The following YTHDC2 variants were observed in gnomAD, a reference collection of about 807,000 sequenced individuals.
YTHDC2 encodes the protein YTH N6-methyladenosine RNA binding protein C2.
A neutral mutation model predicts 174.9 loss-of-function variants in YTHDC2; 45 were observed. That is an observed-to-expected ratio of 0.26 (90% CI 0.20 to 0.33). The LOEUF is 0.33. YTHDC2 is among the 10% of genes least tolerant of loss of function. YTHDC2 has a pLI of 1.00. For synonymous variants in YTHDC2, 657 were observed against 574.5 expected, an observed-to-expected ratio of 1.14 and a Z score of -2.05; for missense variants, 1,650 against 1,723.7, an observed-to-expected ratio of 0.96 and a Z score of 0.76.
At chr5:113,558,817 G>T (rs1264963028) in intron 17 of YTHDC2, among the ~76,000 whole-genome samples, 1 of 151,654 alleles carries the variant, frequency 6.6e-6, no homozygotes, top group African/African-American at 2.4e-5. Flanking sequence ...AGCTACTCAG[G>T]AGGCTGAAGC....
chr5:113,579,668 G>A lies in YTHDC2; in HGVS notation c.3327G>A (p.Glu1109=). The A allele has an allele frequency of 3.1e-6, 5 of 1,609,426 alleles. No homozygotes were observed. Among genetic ancestry groups the A allele is most frequent in the Non-Finnish European group, 4.2e-6 (5 of 1,177,452 alleles). ...TANLAALKLD[E]WLHFTLEPEA... ...ATTTGGCAGCCTTGAAACTTGATGA[G>A]TGGCTCCATTTCACACTGGAGCCAG... Residue 1109 remains glutamate, a synonymous_variant, in exon 24 of 30, where the codon GAG becomes GAA. Transcript: ENST00000161863.
chr5:113,543,775 G>A (rs1775647195), intron 10 of YTHDC2, among the ~76,000 whole-genome samples: 1 of 152,096 alleles, frequency 6.6e-6, no homozygotes, highest in South Asian at 2.1e-4. Context: ...TTATCTCCTT[G>A]ATATTCTTCA....
At chr5:113,575,240 A>G (rs141153700) in intron 23 of YTHDC2, among the ~76,000 whole-genome samples, 14 of 152,170 alleles carry the variant, frequency 9.2e-5, no homozygotes, top group Non-Finnish European at 2.1e-4. Context: ...AGACATCTTG[A>G]TGATTTCAAA....
intron 2 of YTHDC2, among the ~76,000 whole-genome samples, chr5:113,518,201 T>TG (rs889522547): frequency 4.0e-5 from 6 of 150,748 alleles, no homozygotes; most frequent in African/African-American, 1.2e-4. Flanking sequence ...TTTTGTTTTT[T>TG]TTTTTTTTTG....
chr5:113,577,757 T>A (rs992450664), intron 23 of YTHDC2, among the ~76,000 whole-genome samples: 12 of 152,186 alleles, frequency 7.9e-5, no homozygotes, highest in Admixed American at 6.5e-4. Context: ...TCTTAAAAAA[T>A]ATATATTTTT....
At position 113,595,111 on chromosome 5, in the gene YTHDC2, A is replaced by G. The variant is rs1339534792; in HGVS notation, c.*1637A>G. On this transcript the variant is annotated 3_prime_UTR_variant, in exon 30 of 30. Transcript: ENST00000161863. ...ATAGTTCACAATGTTCTAAATTTGG[A>G]AGGACTTAAAAAAAAAACTTGTTTA... 1.3e-5 allele frequency: 2 copies of G among 152,092 alleles called. No individual in the cohort carries two copies. Among genetic ancestry groups the G allele is most frequent in the Non-Finnish European group, 2.9e-5 (2 of 67,986 alleles). The allele number at this position is 152,092 out of a possible 1,614,324, so 9.4% of individuals were successfully genotyped here. A position where few individuals can be genotyped will look rare whatever the true frequency, so the allele number is the denominator to read the frequency against.
intron 2 of YTHDC2, among the ~76,000 whole-genome samples, chr5:113,522,698 C>G (rs1773959304): frequency 6.6e-6 from 1 of 152,212 alleles, no homozygotes; most frequent in Admixed American, 6.5e-5. Context: ...TGTTAGTTTA[C>G]GTAGTATGAC....
chr5:113,532,489 T>G (rs556374950), intron 4 of YTHDC2, among the ~76,000 whole-genome samples: 2 of 152,304 alleles, frequency 1.3e-5, no homozygotes, highest in East Asian at 3.9e-4. Flanking sequence ...GAATTTTAAT[T>G]TTTATTTTAT....
At chr5:113,546,255 T>A (rs970709070) in intron 10 of YTHDC2, among the ~76,000 whole-genome samples, 1 of 152,238 alleles carries the variant, frequency 6.6e-6, no homozygotes, top group East Asian at 1.9e-4. Flanking sequence ...TATCCTTAGC[T>A]TTCTTCCTGA....
chr5:113,572,340 T>C (rs145524547), intron 23 of YTHDC2, among the ~76,000 whole-genome samples: 5 of 152,128 alleles, frequency 3.3e-5, no homozygotes, highest in African/African-American at 7.2e-5. Context: ...TAGACTGTTA[T>C]GATTTTACTT....
intron 4 of YTHDC2, among the ~76,000 whole-genome samples, chr5:113,529,961 T>C (rs1774540993): frequency 6.6e-6 from 1 of 152,154 alleles, no homozygotes; most frequent in Non-Finnish European, 1.5e-5. Flanking sequence ...GGTATCACTA[T>C]GTTTCCCAGG....
At chr5:113,519,700 G>A (rs1773729367) in intron 2 of YTHDC2, among the ~76,000 whole-genome samples, 1 of 152,112 alleles carries the variant, frequency 6.6e-6, no homozygotes, top group Non-Finnish European at 1.5e-5. Flanking sequence ...GAGGAGGCAG[G>A]AGCAAACATT....
At chr5:113,525,940 A>G (rs562960137) in intron 3 of YTHDC2, among the ~76,000 whole-genome samples, 2 of 152,142 alleles carry the variant, frequency 1.3e-5, no homozygotes, top group South Asian at 2.1e-4. Flanking sequence ...CTACATGAAT[A>G]TAAAACATTT....
intron 20 of YTHDC2, 63 bp downstream of exon 20, chr5:113,564,194 G>A: frequency 2.1e-6 from 3 of 1,448,768 alleles, no homozygotes; most frequent in African/African-American, 2.9e-5. Flanking sequence ...TGGGGCAAAT[G>A]TAGGAATTTT....
intron 2 of YTHDC2, among the ~76,000 whole-genome samples, chr5:113,522,148 T>TG (rs1773915889): frequency 7.3e-6 from 1 of 136,520 alleles, no homozygotes; most frequent in Non-Finnish European, 1.7e-5. Flanking sequence ...TTTGTTTTTT[T>TG]TTTTTTTGGT....
intron 13 of YTHDC2, 69 bp downstream of exon 13, chr5:113,553,428 A>C: frequency 6.8e-7 from 1 of 1,469,068 alleles, no homozygotes; most frequent in Non-Finnish European, 9.1e-7. Flanking sequence ...TTAAGTGTAC[A>C]AATTTTTATA....
chr5:113,591,184 C>G lies in YTHDC2; in HGVS notation c.3969C>G (p.Ala1323=), dbSNP rs1206195750. The G allele has an allele frequency of 2.5e-6, 4 of 1,613,918 alleles. No homozygotes were observed. In the South Asian group the frequency reaches 4.4e-5, roughly 18 times the overall value. ...TPSNERKLNR[A]FWESSIVYLV... ...GTAATGAACGGAAGCTAAATCGAGC[C>G]TTTTGGGAAAGCAGCATAGTTTACT... Residue 1323 remains alanine (A), a synonymous_variant, in exon 27 of 30, where the codon GCC becomes GCG. Transcript: ENST00000161863.
At chr5:113,579,898 G>A (rs1158047712) in intron 24 of YTHDC2, 1 of 985,138 alleles carries the variant, frequency 1.0e-6, no homozygotes, top group East Asian at 1.1e-4. Flanking sequence ...CCTAGTTGTG[G>A]CTCATTATTT....
At position 113,567,269 on chromosome 5, in the gene YTHDC2, C is replaced by T; in HGVS notation, c.3020C>T (p.Ser1007Leu). ...KEKKVRFHPA[S>L]VLSQPQYKKI... ...AAAAAAGTACGATTTCATCCTGCTT[C>T]AGTTCTCAGTCAGCCTCAATATAAA... is the stretch of plus-strand genomic sequence containing the variant. The change falls in exon 22 of 30, where the codon TCA (serine) becomes TTA (leucine). Residue 1007 changes from serine (S) to leucine (L), a missense_variant. Physicochemically the swap from Ser to Leu is moderately radical, Grantham distance 145. Transcript: ENST00000161863. 6.2e-7 allele frequency: 1 copy of T among 1,612,282 alleles called. No homozygotes were observed. Among genetic ancestry groups the T allele is most frequent in the Non-Finnish European group, 8.5e-7 (1 of 1,179,510 alleles).
Sources: gnomAD v4.1 joint callset for allele counts (sites outside exome capture counted in the v4.1 genomes callset) on GRCh38, gnomAD v4.1.1 for gene constraint, MANE v1.5 for transcripts, NCBI Gene and HGNC (gene_info 2026-07-23, HGNC 2026-07-21) for gene names.